The following ST7 variants were observed in gnomAD, a reference collection of about 807,000 sequenced individuals.
The protein encoded by ST7 is suppression of tumorigenicity 7, also known as suppressor of tumorigenicity 7 protein.
Under a neutral mutation model 78.7 loss-of-function variants are expected in ST7, and 28 were observed. That is an observed-to-expected ratio of 0.36 (90% CI 0.26 to 0.49). ST7 has a LOEUF of 0.49. ST7 is among the 20% of genes least tolerant of loss of function. The probability of loss-of-function intolerance (pLI) is 0.99; values close to 1 mark genes in which losing one functional copy is unlikely to be tolerated. For synonymous variants in ST7, 247 were observed against 249.6 expected (o/e 0.99, Z 0.10); for missense variants, 418 against 696.0 (o/e 0.60, Z 4.49).
intron 1 of ST7, among the ~76,000 whole-genome samples, chr7:116,969,847 G>A (rs1378290066): frequency 6.6e-6 from 1 of 152,114 alleles, no homozygotes; most frequent in Non-Finnish European, 1.5e-5. Context: ...AGGCCAAGGT[G>A]GGCGGATCAC....
At chr7:117,138,673 A>G (rs1281995913) in intron 9 of ST7, 141 bp downstream of exon 9, 2 of 531,266 alleles carry the variant, frequency 3.8e-6, no homozygotes, top group Non-Finnish European at 6.8e-6. Context: ...TCTAGTTCCC[A>G]ATTTACTAGA....
At chr7:117,042,967 A>G (rs1373671854) in intron 1 of ST7, among the ~76,000 whole-genome samples, 2 of 152,158 alleles carry the variant, frequency 1.3e-5, no homozygotes, top group Non-Finnish European at 2.9e-5. Context: ...ATTGTAATTC[A>G]TACATAATTT....
chr7:117,113,304 C>T (rs892718964), intron 2 of ST7, among the ~76,000 whole-genome samples: 4 of 152,130 alleles, frequency 2.6e-5, no homozygotes, highest in Non-Finnish European at 5.9e-5. Context: ...ATCTTTCTGC[C>T]TCTCATAAGG....
intron 3 of ST7, among the ~76,000 whole-genome samples, chr7:117,123,866 C>G (rs1803606070): frequency 6.6e-6 from 1 of 152,060 alleles, no homozygotes; most frequent in African/African-American, 2.4e-5. Context: ...ATATCCCTGC[C>G]AAAGTCAAGT....
chr7:117,094,918 TA>T (rs2116733100), intron 1 of ST7, among the ~76,000 whole-genome samples: 1 of 152,346 alleles, frequency 6.6e-6, no homozygotes, highest in South Asian at 2.1e-4. Flanking sequence ...TAATAACTTT[TA>T]TTTTTTTTCC....
chr7:116,972,314 C>T, intron 1 of ST7: 1 of 587,320 alleles, frequency 1.7e-6, no homozygotes, highest in Non-Finnish European at 3.1e-6. Context: ...TCACGGGCCT[C>T]TCCCTCCTTG....
chr7:117,177,075 G>C (rs1457972353), intron 10 of ST7, among the ~76,000 whole-genome samples: 1 of 152,154 alleles, frequency 6.6e-6, no homozygotes, highest in Non-Finnish European at 1.5e-5. Flanking sequence ...CTATGGCTGT[G>C]GCTTCATGCC....
intron 1 of ST7, among the ~76,000 whole-genome samples, chr7:117,086,329 T>G (rs1005637914): frequency 6.6e-6 from 1 of 152,346 alleles, no homozygotes. Context: ...TGAGGTTGAC[T>G]GACTCATTCA....
At chr7:117,089,462 A>G (rs533439874) in intron 1 of ST7, among the ~76,000 whole-genome samples, 1 of 152,326 alleles carries the variant, frequency 6.6e-6, no homozygotes, top group East Asian at 1.9e-4. Flanking sequence ...GGTGACAAAA[A>G]TAACATGAAG....
chr7:116,996,655 A>C (rs6466598), intron 1 of ST7, among the ~76,000 whole-genome samples: 149,750 of 152,304 alleles, frequency 0.98, 73,680 homozygotes, highest in East Asian at 1. Flanking sequence ...CTTTATTAAT[A>C]TGCAGAGACC....
intron 1 of ST7, among the ~76,000 whole-genome samples, chr7:116,991,031 C>T (rs989740394): frequency 1.3e-5 from 2 of 152,162 alleles, no homozygotes; most frequent in African/African-American, 2.4e-5. Flanking sequence ...TATCACTAAC[C>T]CTGACCCAAA....
At chr7:117,198,207 G>C (rs1048608054) in intron 12 of ST7, 7 of 380,198 alleles carry the variant, frequency 1.8e-5, no homozygotes, top group Non-Finnish European at 3.7e-5. Flanking sequence ...TCACAGGACT[G>C]ATGACAGGTA....
intron 1 of ST7, among the ~76,000 whole-genome samples, chr7:117,038,622 T>C (rs555582001): frequency 3.3e-5 from 5 of 152,332 alleles, no homozygotes; most frequent in Admixed American, 1.3e-4. Flanking sequence ...AATATATGCT[T>C]AGTACAGTGC....
chr7:117,154,390 A>G (rs1404161447), intron 9 of ST7, among the ~76,000 whole-genome samples: 1 of 152,202 alleles, frequency 6.6e-6, no homozygotes, highest in Non-Finnish European at 1.5e-5. Context: ...AGTCTGTGAC[A>G]TTCTGTGATA....
chr7:117,079,799 A>G (rs1799617950), intron 1 of ST7, among the ~76,000 whole-genome samples: 2 of 152,066 alleles, frequency 1.3e-5, no homozygotes, highest in Admixed American at 1.3e-4. Flanking sequence ...TCCAAAGACA[A>G]CTACTTAATG....
intron 1 of ST7, among the ~76,000 whole-genome samples, chr7:116,978,722 A>C (rs542731465): frequency 6.6e-6 from 1 of 152,092 alleles, no homozygotes. Context: ...AGTAGCTGGG[A>C]CTACAGGCAT....
chr7:117,169,197 A>G (rs1362239266), intron 9 of ST7, among the ~76,000 whole-genome samples: 1 of 144,940 alleles, frequency 6.9e-6, no homozygotes, highest in Non-Finnish European at 1.5e-5. Context: ...ATGCAGTGGC[A>G]TGATCTCAGC....
intron 1 of ST7, among the ~76,000 whole-genome samples, chr7:116,992,047 CTGCCCCCATGGCTT>C (rs1331723887): frequency 1.3e-5 from 2 of 152,194 alleles, no homozygotes; most frequent in African/African-American, 4.8e-5. Flanking sequence ...TTGGGCAGCT[CTGCCCCCATGGCTT>C]TGCAAGGTAC....
At chr7:117,037,618 C>G (rs1796959756) in intron 1 of ST7, among the ~76,000 whole-genome samples, 1 of 152,032 alleles carries the variant, frequency 6.6e-6, no homozygotes, top group Admixed American at 6.6e-5. Context: ...CACATAAAGA[C>G]TTTTTTTTCT....
Sources: gnomAD v4.1 joint callset for allele counts (sites outside exome capture counted in the v4.1 genomes callset) on GRCh38, gnomAD v4.1.1 for gene constraint, MANE v1.5 for transcripts, NCBI Gene and HGNC (gene_info 2026-07-23, HGNC 2026-07-21) for gene names.